Variants in TRMT10A observed in about 807,000 individuals in gnomAD.
The protein encoded by TRMT10A is tRNA methyltransferase 10A.
A neutral mutation model predicts 40.4 loss-of-function variants in TRMT10A; 37 were observed. That is an observed-to-expected ratio of 0.92 (90% CI 0.71 to 1.21). TRMT10A has a LOEUF of 1.21. Among genes scored for constraint, TRMT10A ranks in the 50% most tolerant of loss-of-function variants. The probability of loss-of-function intolerance (pLI) is 0.00; values close to 1 mark genes in which losing one functional copy is unlikely to be tolerated. For synonymous variants in TRMT10A, 103 were observed against 134.1 expected (o/e 0.77, Z 1.60); for missense variants, 388 against 404.3 (o/e 0.96, Z 0.35).
chr4:99,549,455 T>C (rs574814661), intron 7 of TRMT10A, 99 bp from the exon 8 acceptor site: 3 of 1,440,000 alleles, frequency 2.1e-6, no homozygotes, highest in East Asian at 2.3e-5. Flanking sequence ...AGAGTGCTAG[T>C]TTGTCCTAAT....
chr4:99,551,073 AT>A (rs1723945482), intron 6 of TRMT10A, 83 bp from the exon 7 acceptor site: 16 of 562,708 alleles, frequency 2.8e-5, no homozygotes, highest in Admixed American at 4.5e-5. Context: ...TTTAGATAAG[AT>A]TTATAGTTCA....
Position 99,548,868 on chromosome 4 carries a change from A to C in TRMT10A, c.*220T>G, listed in dbSNP as rs544650247. The stretch of plus-strand genomic sequence containing the variant: ...GAGGCTTTAAAAACAAAAACAAAAA[A>C]AATCACATACACATTTAAATCTTCT... On this transcript the variant is annotated 3_prime_UTR_variant, in exon 8 of 8. Transcript: ENST00000394876. 4.3e-4 allele frequency: 179 copies of C among 412,806 alleles called. No homozygotes were observed. Among genetic ancestry groups the C allele is most frequent in the Non-Finnish European group, 6.1e-4 (146 of 240,318 alleles). 25.6% of individuals were successfully genotyped at this position (412,806 alleles called of 1,614,324 possible). A position where few individuals can be genotyped will look rare whatever the true frequency, so the allele number is the denominator to read the frequency against.
chr4:99,559,512 T>G (rs1724300398), intron 1 of TRMT10A, among the ~76,000 whole-genome samples, 151 bp from the exon 2 acceptor site: 1 of 152,222 alleles, frequency 6.6e-6, no homozygotes. Context: ...TACCATTTAA[T>G]ATCAATTAAA....
intron 1 of TRMT10A, among the ~76,000 whole-genome samples, chr4:99,562,840 A>G (rs987758577): frequency 7.3e-6 from 1 of 137,168 alleles, no homozygotes; most frequent in Non-Finnish European, 1.6e-5. Context: ...TGTTTGTTTG[A>G]GACGGAGTTT....
chr4:99,557,507 G>T, intron 3 of TRMT10A, 91 bp from the exon 4 acceptor site: 1 of 1,029,448 alleles, frequency 9.7e-7, no homozygotes, highest in Non-Finnish European at 1.4e-6. Context: ...CAGAAGGGAT[G>T]ACTATATACA....
chr4:99,554,310 A>G (rs1185840779), intron 5 of TRMT10A, among the ~76,000 whole-genome samples: 5 of 152,310 alleles, frequency 3.3e-5, no homozygotes, highest in African/African-American at 1.2e-4. Context: ...TACTTTTCCA[A>G]CTTTATTTCT....
chr4:99,551,293 GCT>G (rs1253500848), intron 6 of TRMT10A, among the ~76,000 whole-genome samples: 22 of 152,108 alleles, frequency 1.4e-4, no homozygotes, highest in Admixed American at 7.9e-4. Flanking sequence ...GAAAAATCTG[GCT>G]CACATATCTC....
At chr4:99,557,222 T>C in intron 4 of TRMT10A, 123 bp downstream of exon 4, 1 of 919,892 alleles carries the variant, frequency 1.1e-6, no homozygotes, top group East Asian at 2.9e-5. Flanking sequence ...AAAATTTTTT[T>C]CACATAGGCA....
intron 5 of TRMT10A, among the ~76,000 whole-genome samples, chr4:99,554,722 C>CAAAAAAAA (rs532448105): frequency 1.2e-4 from 11 of 90,768 alleles, no homozygotes; most frequent in Non-Finnish European, 2.0e-4. Context: ...GACTACGTTT[C>CAAAAAAAA]AAAAAAAAAA....
chr4:99,557,893 A>G (rs1724228981), intron 3 of TRMT10A, 156 bp downstream of exon 3: 3 of 643,482 alleles, frequency 4.7e-6, no homozygotes. Context: ...TATTATATCA[A>G]TGCAATTTGC....
chr4:99,548,012 C>T lies in TRMT10A; in HGVS notation c.*1076G>A, dbSNP rs1309796259. On this transcript the variant is annotated 3_prime_UTR_variant, in exon 8 of 8. Coordinates refer to ENST00000394876, the MANE Select transcript of TRMT10A (RefSeq NM_001134665.3). ...TTTCTTGCCAATGTTCCCATACAAACGTTAAGGATTTTTGTACTTAATAAA... is the reference window on the plus strand; with the variant it reads ...TTTCTTGCCAATGTTCCCATACAAATGTTAAGGATTTTTGTACTTAATAAA... 1 of 152,040 alleles carries T rather than the reference C, an allele frequency of 6.6e-6. No homozygotes were observed. The highest frequency in any genetic ancestry group is 1.5e-5 in the Non-Finnish European group (1 of 67,956). 9.4% of individuals were successfully genotyped at this position (152,040 alleles called of 1,614,324 possible).
In TRMT10A at chr4:99,558,292, T is replaced by A. The variant is rs1724250796; in HGVS notation, c.186-81A>T. On this transcript the variant is annotated intron_variant, in intron 2 of 7. Transcript: ENST00000394876. Reference sequence around the variant, plus strand: ...ACTCTTCTAAATAAACAATTCCTTTTAAAAATCATCAGGTTAAATCATATG... The same window carrying A: ...ACTCTTCTAAATAAACAATTCCTTTAAAAAATCATCAGGTTAAATCATATG... The A allele has an allele frequency of 2.5e-6, 3 of 1,217,104 alleles. No individual in the cohort carries two copies. The East Asian group carries it at 7.6e-5, about 31-fold the overall frequency. 75.4% of individuals were successfully genotyped at this position (1,217,104 alleles called of 1,614,324 possible).
At position 99,562,465 on chromosome 4, in the gene TRMT10A, G is replaced by A. The variant is rs116765352; in HGVS notation, c.-24+1448C>T. 9.2e-3 allele frequency among the ~76,000 whole-genome samples: 1,374 copies of A among 148,908 alleles called. 25 individuals are homozygous for A. Among genetic ancestry groups the A allele is most frequent in the African/African-American group, 0.032 (1,290 of 40,288 alleles). On this transcript the variant is annotated intron_variant, in intron 1 of 7. Transcript: ENST00000394876. Reference sequence around the variant, plus strand: ...TTCAGAAAAATCTCAACGAATGTGGGAATAATGCAGATTGGAATTAATGAC... The same window carrying A: ...TTCAGAAAAATCTCAACGAATGTGGAAATAATGCAGATTGGAATTAATGAC...
chr4:99,563,866 A>G (rs1724573711), intron 1 of TRMT10A, 47 bp downstream of exon 1: 2 of 692,528 alleles, frequency 2.9e-6, no homozygotes, highest in South Asian at 3.0e-5. Flanking sequence ...TTGCGTCCAG[A>G]GAATACCATA....
Position 99,553,831 on chromosome 4 carries a change from G to T in TRMT10A, c.599C>A (p.Ser200Ter). ...TAATCCTCCAATCACATAGGCCTTT[G>T]ATTCATCTAATTCCTTCAGTATATT... ...SPNILKELDE[S>*]KAYVIGGLVD... The change falls in exon 6 of 8, where the codon TCA (serine) becomes TAA (stop). Residue 200 changes from serine (S) to a stop codon, truncating the protein, a stop_gained. Coordinates refer to ENST00000394876, the MANE Select transcript of TRMT10A (RefSeq NM_001134665.3). LOFTEE classifies it high-confidence loss of function. The T allele has an allele frequency of 6.2e-7, 1 of 1,613,308 alleles. No individual in the cohort carries two copies. The highest frequency in any genetic ancestry group is 1.1e-5 in the South Asian group (1 of 91,040).
At chr4:99,551,641 C>T (rs777137762) in intron 6 of TRMT10A, among the ~76,000 whole-genome samples, 7 of 151,666 alleles carry the variant, frequency 4.6e-5, no homozygotes, top group Non-Finnish European at 7.4e-5. Flanking sequence ...TACTTTTTAT[C>T]GTTAGAGTGT....
chr4:99,550,863 C>G, intron 7 of TRMT10A, 22 bp downstream of exon 7: 7 of 1,535,672 alleles, frequency 4.6e-6, no homozygotes, highest in Non-Finnish European at 6.3e-6. Context: ...GGTATATTTT[C>G]AGTTTATCCC....
In TRMT10A at chr4:99,550,908, C is replaced by CGACT; in HGVS notation, c.724_727dup (p.Arg243GlnfsTer8). On this transcript the variant is annotated frameshift_variant, in exon 7 of 8. Transcript: ENST00000394876. LOFTEE classifies it low-confidence loss of function (END_TRUNC). The stretch of plus-strand genomic sequence containing the variant: ...ACCATGATTAACTGCCAAAACTTTT[C>CGACT]GACTATTCATCTTCACAAAATTTCC... 6.2e-7 allele frequency: 1 copy of CGACT among 1,613,116 alleles called. No homozygotes were observed. The highest frequency in any genetic ancestry group is 8.5e-7 in the Non-Finnish European group (1 of 1,179,546).
At chr4:99,562,039 T>C (rs1724418891) in intron 1 of TRMT10A, among the ~76,000 whole-genome samples, 1 of 151,726 alleles carries the variant, frequency 6.6e-6, no homozygotes, top group South Asian at 2.1e-4. Context: ...GGCGTGGTAG[T>C]GGACGCCTGT....
Sources: gnomAD v4.1 joint callset for allele counts (sites outside exome capture counted in the v4.1 genomes callset) on GRCh38, gnomAD v4.1.1 for gene constraint, MANE v1.5 for transcripts, NCBI Gene and HGNC (gene_info 2026-07-23, HGNC 2026-07-21) for gene names.